PPP6R3: variants seen among roughly 807,000 people sequenced by gnomAD.
PPP6R3 encodes the protein protein phosphatase 6 regulatory subunit 3, also known as serine/threonine-protein phosphatase 6 regulatory subunit 3.
In PPP6R3, 38 loss-of-function variants were observed where a neutral mutation model predicts 110.7. The observed-to-expected ratio is 0.34, with a 90% CI of 0.26 to 0.45. The LOEUF is 0.45. Ranked by LOEUF, PPP6R3 falls within the 20% of genes least tolerant of loss-of-function variation. PPP6R3 has a pLI of 1.00. For synonymous variants in PPP6R3, 369 were observed against 373.5 expected (o/e 0.99, Z 0.14); for missense variants, 870 against 1,062.4 (o/e 0.82, Z 2.52).
chr11:68,544,058 A>T (rs2099334122), intron 3 of PPP6R3, among the ~76,000 whole-genome samples: 1 of 152,144 alleles, frequency 6.6e-6, no homozygotes, highest in Admixed American at 6.5e-5. Flanking sequence ...GTCTGTGCTG[A>T]TATCCAGATA....
At chr11:68,556,310 G>T (rs1439979335) in intron 7 of PPP6R3, among the ~76,000 whole-genome samples, 1 of 152,102 alleles carries the variant, frequency 6.6e-6, no homozygotes, top group Non-Finnish European at 1.5e-5. Flanking sequence ...TCAGAAAGCG[G>T]ACTGAAGTGT....
chr11:68,604,938 G>A (rs1938671120), intron 22 of PPP6R3, among the ~76,000 whole-genome samples: 2 of 152,072 alleles, frequency 1.3e-5, no homozygotes, highest in Admixed American at 1.3e-4. Flanking sequence ...AGATTTTCAT[G>A]GAAATTGAGA....
intron 1 of PPP6R3, among the ~76,000 whole-genome samples, chr11:68,492,098 C>T (rs2098987841): frequency 6.6e-6 from 1 of 152,172 alleles, no homozygotes; most frequent in South Asian, 2.1e-4. Flanking sequence ...TTATCACTGG[C>T]TTCAAGCACA....
chr11:68,472,363 T>C (rs1048974690), intron 1 of PPP6R3, among the ~76,000 whole-genome samples: 1 of 152,174 alleles, frequency 6.6e-6, no homozygotes, highest in Non-Finnish European at 1.5e-5. Context: ...CATTGGAGAA[T>C]ATAAGTGTTT....
rs372113258 is a variant in PPP6R3, at chr11:68,510,054, CTTTTT to C, written c.-157-9430_-157-9426del. ...ACAGGTGTGAGCTACTGTGCTCGGC[CTTTTT>C]TTTTTTTTTTTTTTTTGATAAGTTT... On this transcript the variant is annotated intron_variant, in intron 1 of 23. Coordinates refer to ENST00000393800, the MANE Select transcript of PPP6R3 (RefSeq NM_001164161.2). Among the ~76,000 whole-genome samples the C allele has an allele frequency of 2.6e-4, 20 of 76,968 alleles. No homozygotes were observed. The South Asian group carries it at 0.011, about 41-fold the overall frequency. 50.5% of individuals were successfully genotyped at this position (76,968 alleles called of 152,430 possible). A position where few individuals can be genotyped will look rare whatever the true frequency, so the allele number is the denominator to read the frequency against.
intron 2 of PPP6R3, among the ~76,000 whole-genome samples, chr11:68,528,555 A>C (rs1373122091): frequency 6.6e-6 from 1 of 152,166 alleles, no homozygotes; most frequent in Non-Finnish European, 1.5e-5. Flanking sequence ...CTGCTTTTAA[A>C]GACCAGCTGC....
In PPP6R3 at chr11:68,614,137, A is replaced by AAAT; in HGVS notation, c.*1021_*1022insATA. On this transcript the variant is annotated 3_prime_UTR_variant, in exon 24 of 24. Transcript: ENST00000393800. ...TTCATTTTACAGGCTAGTATTTTAA[A>AAAT]AGTAGAAATCAAAATCTGGCACCGA... 1.0e-6 allele frequency: 1 copy of AAAT among 986,544 alleles called. No homozygotes were observed. Among genetic ancestry groups the AAAT allele is most frequent in the Non-Finnish European group, 1.2e-6 (1 of 830,498 alleles). 61.1% of individuals were successfully genotyped at this position (986,544 alleles called of 1,614,324 possible).
At chr11:68,499,567 C>T (rs1469891987) in intron 1 of PPP6R3, among the ~76,000 whole-genome samples, 1 of 152,020 alleles carries the variant, frequency 6.6e-6, no homozygotes, top group Non-Finnish European at 1.5e-5. Context: ...AAGAGAGGCA[C>T]ATTGTGGACT....
intron 2 of PPP6R3, among the ~76,000 whole-genome samples, chr11:68,532,713 G>A (rs1351724587): frequency 1.3e-5 from 2 of 152,156 alleles, no homozygotes; most frequent in African/African-American, 4.8e-5. Context: ...AGGTGATTTT[G>A]CTACTTCAGC....
chr11:68,464,805 C>G (rs939445651), intron 1 of PPP6R3, among the ~76,000 whole-genome samples: 38 of 151,818 alleles, frequency 2.5e-4, no homozygotes, highest in Middle Eastern at 6.9e-3. Context: ...TCTTACACTA[C>G]TGTAATTTTT....
intron 2 of PPP6R3, among the ~76,000 whole-genome samples, chr11:68,520,840 C>T (rs914601759): frequency 3.3e-5 from 5 of 152,204 alleles, no homozygotes; most frequent in East Asian, 1.9e-4. Context: ...GGTGCGATCT[C>T]GGCTGACTGC....
At chr11:68,489,445 T>C (rs965439490) in intron 1 of PPP6R3, among the ~76,000 whole-genome samples, 10 of 152,154 alleles carry the variant, frequency 6.6e-5, no homozygotes, top group Non-Finnish European at 1.3e-4. Flanking sequence ...ATATTTGCAG[T>C]TAATCCATGT....
chr11:68,462,962 T>G (rs892827716), intron 1 of PPP6R3, among the ~76,000 whole-genome samples: 2 of 152,158 alleles, frequency 1.3e-5, no homozygotes, highest in Admixed American at 1.3e-4. Flanking sequence ...CAAAGCAAAG[T>G]CAACAAGCAA....
intron 5 of PPP6R3, among the ~76,000 whole-genome samples, chr11:68,549,444 C>G (rs910377648): frequency 6.6e-6 from 1 of 151,942 alleles, no homozygotes; most frequent in Admixed American, 6.6e-5. Context: ...GTGATGGTGT[C>G]AGGGCTGGAT....
intron 1 of PPP6R3, among the ~76,000 whole-genome samples, chr11:68,465,167 C>G (rs2098737040): frequency 6.6e-6 from 1 of 152,216 alleles, no homozygotes; most frequent in South Asian, 2.1e-4. Context: ...CAGGCGTGAG[C>G]CACCATGCCT....
At chr11:68,467,747 G>A (rs183631178) in intron 1 of PPP6R3, among the ~76,000 whole-genome samples, 12 of 152,266 alleles carry the variant, frequency 7.9e-5, no homozygotes, top group African/African-American at 2.6e-4. Flanking sequence ...GTTTTGGGCT[G>A]CAACAACACT....
At chr11:68,584,214 G>A (rs1268849973) in intron 15 of PPP6R3, among the ~76,000 whole-genome samples, 1 of 152,214 alleles carries the variant, frequency 6.6e-6, no homozygotes, top group Non-Finnish European at 1.5e-5. Flanking sequence ...CTGTTGAGCA[G>A]CTCTCACAGC....
chr11:68,493,180 G>T (rs950444553), intron 1 of PPP6R3, among the ~76,000 whole-genome samples: 3 of 152,152 alleles, frequency 2.0e-5, no homozygotes, highest in African/African-American at 7.2e-5. Context: ...TAATGAGCCT[G>T]AATCCTGATA....
intron 1 of PPP6R3, among the ~76,000 whole-genome samples, chr11:68,518,504 C>A (rs1164280822): frequency 6.6e-6 from 1 of 152,178 alleles, no homozygotes; most frequent in Non-Finnish European, 1.5e-5. Flanking sequence ...ATTTGCCATA[C>A]AGGACCTTTC....
Sources: allele counts gnomAD v4.1 joint callset (sites outside exome capture counted in the v4.1 genomes callset), GRCh38; gene constraint gnomAD v4.1.1; transcripts MANE v1.5; gene names NCBI Gene and HGNC (gene_info 2026-07-23, HGNC 2026-07-21).